CHN1: variants seen among roughly 807,000 people sequenced by gnomAD.
CHN1 encodes the protein N-chimaerin.
Under a neutral mutation model 59.5 loss-of-function variants are expected in CHN1, and 37 were observed. The observed-to-expected ratio is 0.62, with a 90% confidence interval of 0.48 to 0.82. The LOEUF is 0.82. Among genes scored for constraint, CHN1 ranks in the 40% least tolerant of loss-of-function variants. The pLI, the probability that CHN1 is intolerant of heterozygous loss-of-function variation, is 0.00. For synonymous variants in CHN1, 206 were observed against 200.4 expected, an observed-to-expected ratio of 1.03 and a Z score of -0.24; for missense variants, 469 against 571.0, an observed-to-expected ratio of 0.82 and a Z score of 1.82.
intron 1 of CHN1, among the ~76,000 whole-genome samples, chr2:174,986,540 C>A (rs951873794): frequency 1.3e-5 from 2 of 152,142 alleles, no homozygotes; most frequent in Non-Finnish European, 2.9e-5. Context: ...AGAAATACAG[C>A]CGACCCTTAA....
chr2:174,952,777 T>C (rs1690063477), intron 1 of CHN1, among the ~76,000 whole-genome samples: 1 of 152,210 alleles, frequency 6.6e-6, no homozygotes, highest in Non-Finnish European at 1.5e-5. Context: ...GAAGAGAGTG[T>C]ATCTAGGGAA....
chr2:174,928,420 A>G (rs1160700287), intron 3 of CHN1, among the ~76,000 whole-genome samples: 1 of 152,248 alleles, frequency 6.6e-6, no homozygotes, highest in Non-Finnish European at 1.5e-5. Flanking sequence ...AATGAAAATC[A>G]TGACTCATAC....
At chr2:174,930,440 G>A (rs138970461) in intron 3 of CHN1, among the ~76,000 whole-genome samples, 41 of 152,238 alleles carry the variant, frequency 2.7e-4, no homozygotes, top group Non-Finnish European at 4.9e-4. Flanking sequence ...GGGTGTTACC[G>A]GTGGGCTTAC....
chr2:174,802,544 G>A (rs2105371784), intron 11 of CHN1, among the ~76,000 whole-genome samples: 1 of 152,352 alleles, frequency 6.6e-6, no homozygotes, highest in Non-Finnish European at 1.5e-5. Flanking sequence ...TGTAAATTTT[G>A]AAGGGAACCA....
At chr2:174,896,166 A>G (rs563462822) in intron 5 of CHN1, among the ~76,000 whole-genome samples, 2 of 152,244 alleles carry the variant, frequency 1.3e-5, no homozygotes, top group Non-Finnish European at 2.9e-5. Context: ...TGTTCATTAT[A>G]AGCCCCAGTA....
At chr2:174,831,477 C>A (rs1434310822) in intron 7 of CHN1, among the ~76,000 whole-genome samples, 1 of 152,114 alleles carries the variant, frequency 6.6e-6, no homozygotes, top group African/African-American at 2.4e-5. Context: ...AACCATCAAT[C>A]TGAAACCCAA....
intron 3 of CHN1, among the ~76,000 whole-genome samples, chr2:174,924,767 A>T (rs1689122780): frequency 2.0e-5 from 3 of 152,226 alleles, no homozygotes; most frequent in African/African-American, 7.2e-5. Context: ...TCAAATGAGG[A>T]ACTTCAAGTG....
chr2:174,876,398 C>T (rs1047399142), intron 6 of CHN1, among the ~76,000 whole-genome samples: 4 of 152,074 alleles, frequency 2.6e-5, no homozygotes, highest in African/African-American at 4.8e-5. Context: ...AATATAATGT[C>T]AGTATTATTC....
rs189001415 is a variant in CHN1 at position 174,802,070 on chromosome 2, T to C, written c.1103-258A>G. On this transcript the variant is annotated intron_variant, in intron 11 of 12. Transcript: ENST00000409900. The stretch of plus-strand genomic sequence containing the variant: ...ATCCAGTTTTGTCACTTGAGTATCT[T>C]GGAGTCTGACAACTTTCGAAATTGG... The C allele has an allele frequency of 1.0e-3, 359 of 351,878 alleles. 9 individuals are homozygous for C. In the Admixed American group the frequency reaches 0.014, roughly 14 times the overall value. The allele number at this position is 351,878 out of a possible 1,614,324, so 21.8% of individuals were successfully genotyped here.
intron 3 of CHN1, among the ~76,000 whole-genome samples, chr2:174,931,826 A>C (rs1046166824): frequency 1.3e-5 from 2 of 152,186 alleles, no homozygotes; most frequent in African/African-American, 4.8e-5. Flanking sequence ...ATCAGAGAGA[A>C]CATTCCAGAA....
At chr2:174,982,822 T>G (rs1217802503) in intron 1 of CHN1, among the ~76,000 whole-genome samples, 1 of 152,142 alleles carries the variant, frequency 6.6e-6, no homozygotes, top group Non-Finnish European at 1.5e-5. Context: ...AATATTGTGT[T>G]CTTTTTTTAA....
intron 7 of CHN1, among the ~76,000 whole-genome samples, chr2:174,825,709 C>T (rs1558940250): frequency 1.3e-5 from 2 of 152,170 alleles, no homozygotes; most frequent in Non-Finnish European, 2.9e-5. Flanking sequence ...CACTACCATA[C>T]ATAATAAAAT....
At chr2:174,841,680 GAAATTATTTA>G (rs1439358191) in intron 7 of CHN1, among the ~76,000 whole-genome samples, 1 of 152,044 alleles carries the variant, frequency 6.6e-6, no homozygotes, top group African/African-American at 2.4e-5. Context: ...TTCCAAGTAA[GAAATTATTTA>G]AAATTATTTA....
At chr2:174,861,550 T>C (rs751759808) in intron 6 of CHN1, among the ~76,000 whole-genome samples, 2 of 152,226 alleles carry the variant, frequency 1.3e-5, no homozygotes, top group Non-Finnish European at 2.9e-5. Flanking sequence ...CAAAGAAATG[T>C]ATAAATGTTT....
chr2:174,840,949 G>A (rs76683203), intron 7 of CHN1, among the ~76,000 whole-genome samples: 3,091 of 152,140 alleles, frequency 0.02, 99 homozygotes, highest in African/African-American at 0.07. Flanking sequence ...AGTAATTTGT[G>A]TCAGCGAGGC....
At chr2:174,908,267 A>G (rs1276941797) in intron 5 of CHN1, among the ~76,000 whole-genome samples, 1 of 152,248 alleles carries the variant, frequency 6.6e-6, no homozygotes, top group Non-Finnish European at 1.5e-5. Context: ...GCCCTTTTAA[A>G]TATCAGTTCT....
Position 175,005,163 on chromosome 2 carries a change from G to A in CHN1, c.-251C>T. Reference sequence around the variant, plus strand: ...GCTAGCTCTCCGCGAGCCGGCACTTGTCGCTGCCATCAGGCGCGGAGCGTG... The same window carrying A: ...GCTAGCTCTCCGCGAGCCGGCACTTATCGCTGCCATCAGGCGCGGAGCGTG... On this transcript the variant is annotated 5_prime_UTR_variant, in exon 1 of 13. Coordinates refer to ENST00000409900, the MANE Select transcript of CHN1 (RefSeq NM_001822.7). 1 of 1,283,496 alleles carries A rather than the reference G, an allele frequency of 7.8e-7. No individual in the cohort carries two copies. Among genetic ancestry groups the A allele is most frequent in the Non-Finnish European group, 9.9e-7 (1 of 1,013,628 alleles). The allele number at this position is 1,283,496 out of a possible 1,614,324, so 79.5% of individuals were successfully genotyped here. A position where few individuals can be genotyped will look rare whatever the true frequency, so the allele number is the denominator to read the frequency against.
chr2:174,847,579 C>A, intron 6 of CHN1: 1 of 1,287,586 alleles, frequency 7.8e-7, no homozygotes, highest in Admixed American at 3.0e-5. Context: ...CAACAGACAC[C>A]CTATGAAGCC....
intron 1 of CHN1, among the ~76,000 whole-genome samples, chr2:174,970,853 CT>C (rs928329378): frequency 1.3e-5 from 2 of 152,110 alleles, no homozygotes; most frequent in African/African-American, 2.4e-5. Context: ...AAACACTGCC[CT>C]TTTTTCCAAC....
Sources: gnomAD v4.1 joint callset for allele counts (sites outside exome capture counted in the v4.1 genomes callset) on GRCh38, gnomAD v4.1.1 for gene constraint, MANE v1.5 for transcripts, NCBI Gene and HGNC (gene_info 2026-07-23, HGNC 2026-07-21) for gene names.